Variants in PDIK1L observed in about 807,000 individuals in gnomAD.
PDIK1L encodes the protein serine/threonine-protein kinase PDIK1L.
In PDIK1L, 9 loss-of-function variants were observed where a neutral mutation model predicts 27.1. That is an observed-to-expected ratio of 0.33 (90% CI 0.20 to 0.58). The LOEUF is 0.58. PDIK1L is among the 20% of genes least tolerant of loss of function. PDIK1L has a pLI of 0.86. For synonymous variants in PDIK1L, 130 were observed against 141.7 expected, an observed-to-expected ratio of 0.92 and a Z score of 0.59; for missense variants, 216 against 413.2, an observed-to-expected ratio of 0.52 and a Z score of 4.14.
chr1:26,113,955 A>C (rs867180695), intron 1 of PDIK1L, among the ~76,000 whole-genome samples: 1 of 152,226 alleles, frequency 6.6e-6, no homozygotes, highest in African/African-American at 2.4e-5. Context: ...TCCCAGGTCC[A>C]CCAGTTACTA....
chr1:26,119,147 C>T (rs1181328916), intron 2 of PDIK1L, among the ~76,000 whole-genome samples: 4 of 152,356 alleles, frequency 2.6e-5, no homozygotes, highest in Middle Eastern at 3.4e-3. Flanking sequence ...GTGGCTTACG[C>T]CTGCAATCCC....
intron 2 of PDIK1L, 21 bp from the exon 3 acceptor site, chr1:26,121,816 C>A (rs1557597798): frequency 1.3e-6 from 2 of 1,582,070 alleles, no homozygotes; most frequent in Non-Finnish European, 1.7e-6. Flanking sequence ...TGATTGTAAT[C>A]TTTTTTCTTC....
Position 26,114,735 on chromosome 1 carries a change from A to C in PDIK1L, c.285+142A>C. The C allele has an allele frequency of 1.0e-6, 1 of 963,420 alleles. No homozygotes were observed. 59.7% of individuals were successfully genotyped at this position (963,420 alleles called of 1,614,324 possible). On this transcript the variant is annotated intron_variant, in intron 2 of 2. Transcript: ENST00000374269. The surrounding 1 kb of genome is among the most constrained non-coding windows in gnomAD (Gnocchi z 4.8). Reference sequence around the variant, plus strand: ...GTAGATAAGTGTCTGCCAAGAATTGAGTAGATGTTTGCTTTAAAACAAGGT... The same window carrying C: ...GTAGATAAGTGTCTGCCAAGAATTGCGTAGATGTTTGCTTTAAAACAAGGT...
chr1:26,119,812 T>C (rs568754807), intron 2 of PDIK1L, among the ~76,000 whole-genome samples: 1 of 152,058 alleles, frequency 6.6e-6, no homozygotes, highest in East Asian at 1.9e-4. Flanking sequence ...TGAGCCGAGA[T>C]CGCGCCACTG....
At chr1:26,118,806 A>T (rs1186219241) in intron 2 of PDIK1L, among the ~76,000 whole-genome samples, 1 of 152,232 alleles carries the variant, frequency 6.6e-6, no homozygotes, top group Non-Finnish European at 1.5e-5. Context: ...CAATATTTAC[A>T]TTTAGTAAAG....
intron 2 of PDIK1L, among the ~76,000 whole-genome samples, chr1:26,118,298 A>G (rs1002038973): frequency 1.3e-5 from 2 of 152,148 alleles, no homozygotes; most frequent in African/African-American, 4.8e-5. Context: ...TCTAGCCTTT[A>G]TCACAGAGTG....
Position 26,122,877 on chromosome 1 carries a change from T to C in PDIK1L, c.*300T>C, listed in dbSNP as rs1435992772. On this transcript the variant is annotated 3_prime_UTR_variant, in exon 3 of 3. Transcript: ENST00000374269. The surrounding 1 kb of genome is among the most constrained non-coding windows in gnomAD (Gnocchi z 5.4). ...GAGAGTCCAGTTTTCTGGAAATATG[T>C]CTTTAAGTATTTTAGACATTCCTCG... The C allele has an allele frequency of 1.3e-5, 3 of 222,222 alleles. No homozygotes were observed. Among genetic ancestry groups the C allele is most frequent in the Non-Finnish European group, 2.7e-5 (3 of 112,340 alleles). The allele number at this position is 222,222 out of a possible 1,614,324, so 13.8% of individuals were successfully genotyped here.
chr1:26,111,497 T>C (rs958135861), upstream of PDIK1L: 15 of 151,080 alleles, frequency 9.9e-5, no homozygotes, highest in Admixed American at 3.3e-4. This position sits in a 1 kb window ranked among gnomAD's most constrained non-coding sequence, Gnocchi z 4.0. Context: ...GACCTGCCGC[T>C]GCAGACGGTC....
chr1:26,118,354 T>A (rs368378429), intron 2 of PDIK1L, among the ~76,000 whole-genome samples: 1 of 152,202 alleles, frequency 6.6e-6, no homozygotes, highest in East Asian at 1.9e-4. Flanking sequence ...TATTATTTAG[T>A]GCTGAGTCCA....
chr1:26,122,228 C>A lies in PDIK1L; in HGVS notation c.677C>A (p.Ala226Asp). 1 of 1,614,184 alleles carries A rather than the reference C, an allele frequency of 6.2e-7. No individual in the cohort carries two copies. Among genetic ancestry groups the A allele is most frequent in the Non-Finnish European group, 8.5e-7 (1 of 1,180,024 alleles). ...GCATGTGGAACAGATTTTTACATGG[C>A]TCCTGAAGTTTGGGAAGGACATTAC... ...STACGTDFYM[A>D]PEVWEGHYTA... The change falls in exon 3 of 3, where the codon GCT becomes GAT. Residue 226 changes from alanine (A) to aspartate (D), a missense_variant. By Grantham distance (126) the Ala-to-Asp change is moderately radical. Transcript: ENST00000374269. The surrounding 1 kb of genome is among the most constrained non-coding windows in gnomAD (Gnocchi z 5.4).
chr1:26,122,161 C>G lies in PDIK1L; in HGVS notation c.610C>G (p.Pro204Ala). ...SKVCSASGQNPEEPVSVNKCF... is the reference protein window; with the variant it reads ...SKVCSASGQNAEEPVSVNKCF... ...AGTTTGTTCAGCCTCTGGGCAGAAC[C>G]CAGAAGAACCTGTCAGTGTAAACAA... The change falls in exon 3 of 3, where the codon CCA becomes GCA. Residue 204 changes from proline (P) to alanine (A), a missense_variant. Pro to Ala is a conservative substitution (Grantham distance 27). This residue lies in a region of PDIK1L where 169 missense variants were observed against 366.0 expected (regional missense o/e 0.46). Coordinates refer to ENST00000374269, the MANE Select transcript of PDIK1L (RefSeq NM_152835.5). The surrounding 1 kb of genome is among the most constrained non-coding windows in gnomAD (Gnocchi z 5.4). 4 of 1,614,072 alleles carry G rather than the reference C, an allele frequency of 2.5e-6. No homozygotes were observed. The highest frequency in any genetic ancestry group is 3.4e-6 in the Non-Finnish European group (4 of 1,180,016).
chr1:26,117,862 C>G lies in PDIK1L; in HGVS notation c.285+3269C>G, dbSNP rs575936995. Among the ~76,000 whole-genome samples the G allele has an allele frequency of 3.3e-5, 5 of 152,180 alleles. No individual in the cohort carries two copies. In the East Asian group the frequency reaches 7.7e-4, roughly 23 times the overall value. The stretch of plus-strand genomic sequence containing the variant: ...CACTTGAGGCCAGGAGTTCCAAGAC[C>G]AGCCTGGGCAACATGGCAAAACCCC... On this transcript the variant is annotated intron_variant, in intron 2 of 2. Coordinates refer to ENST00000374269, the MANE Select transcript of PDIK1L (RefSeq NM_152835.5).
chr1:26,115,092 C>T (rs1346454688), intron 2 of PDIK1L, among the ~76,000 whole-genome samples: 1 of 152,214 alleles, frequency 6.6e-6, no homozygotes, highest in African/African-American at 2.4e-5. Flanking sequence ...CATGATTTAA[C>T]ACCTGAATGT....
intron 2 of PDIK1L, among the ~76,000 whole-genome samples, chr1:26,121,594 A>G (rs2087989370): frequency 6.6e-6 from 1 of 152,230 alleles, no homozygotes; most frequent in Non-Finnish European, 1.5e-5. Context: ...TTCAAAATAA[A>G]GCTATTTTAA....
intron 1 of PDIK1L, among the ~76,000 whole-genome samples, chr1:26,113,529 C>G (rs915681430): frequency 1.4e-5 from 2 of 144,560 alleles, no homozygotes; most frequent in Non-Finnish European, 3.1e-5. Flanking sequence ...AGAAACGTTT[C>G]TTTTCCACAA....
chr1:26,119,422 T>TCA (rs771322446), intron 2 of PDIK1L, among the ~76,000 whole-genome samples: 3 of 150,144 alleles, frequency 2.0e-5, no homozygotes, highest in East Asian at 1.9e-4. Flanking sequence ...TCTCTCTCTC[T>TCA]CTCACACACA....
At chr1:26,112,979 G>T (rs921445245) in intron 1 of PDIK1L, among the ~76,000 whole-genome samples, 2 of 152,156 alleles carry the variant, frequency 1.3e-5, no homozygotes, top group Non-Finnish European at 2.9e-5. Context: ...CCTTTAAACC[G>T]TTCAGTAAGT....
chr1:26,122,650 A>G lies in PDIK1L; in HGVS notation c.*73A>G, dbSNP rs1259973785. On this transcript the variant is annotated 3_prime_UTR_variant, in exon 3 of 3. Coordinates refer to ENST00000374269, the MANE Select transcript of PDIK1L (RefSeq NM_152835.5). This position sits in a 1 kb window ranked among gnomAD's most constrained non-coding sequence, Gnocchi z 5.4. The stretch of plus-strand genomic sequence containing the variant: ...CAGTGATGCAACATTATGTGGCTGA[A>G]AAAGAATATAAAAAGCTAGACTCTA... The G allele has an allele frequency of 1.3e-6, 2 of 1,486,052 alleles. No individual in the cohort carries two copies. Among genetic ancestry groups the G allele is most frequent in the African/African-American group, 1.4e-5 (1 of 71,034 alleles). 92.1% of individuals were successfully genotyped at this position (1,486,052 alleles called of 1,614,324 possible).
At position 26,114,006 on chromosome 1, in the gene PDIK1L, T is replaced by C. The variant is rs1179226533; in HGVS notation, c.-17-286T>C. 6.6e-6 allele frequency among the ~76,000 whole-genome samples: 1 copy of C among 152,208 alleles called. No homozygotes were observed. The highest frequency in any genetic ancestry group is 3.2e-3 in the Middle Eastern group (1 of 316). On this transcript the variant is annotated intron_variant, in intron 1 of 2. Transcript: ENST00000374269. This position sits in a 1 kb window ranked among gnomAD's most constrained non-coding sequence, Gnocchi z 4.8. ...CGTTTCATTTAACCTCTCCATTATA[T>C]AGTTTCATCTATAAAAAGACCATAA... is the stretch of plus-strand genomic sequence containing the variant.
Sources: allele counts gnomAD v4.1 joint callset (sites outside exome capture counted in the v4.1 genomes callset), GRCh38; gene constraint gnomAD v4.1.1; regional missense constraint gnomAD v4.1.1; non-coding constraint Gnocchi (gnomAD v3.1); transcripts MANE v1.5; gene names NCBI Gene and HGNC (gene_info 2026-07-23, HGNC 2026-07-21).